TPD52L1: variants seen among roughly 807,000 people sequenced by gnomAD.
TPD52L1 encodes tumor protein D53.
A neutral mutation model predicts 28.7 loss-of-function variants in TPD52L1; 18 were observed. The ratio of observed to expected loss-of-function variants is 0.63; its 90% CI spans 0.43 to 0.93. The LOEUF (loss-of-function observed/expected upper bound fraction) is 0.93, where lower values mean the gene tolerates loss of function less well. Among genes scored for constraint, TPD52L1 ranks in the 40% least tolerant of loss-of-function variants. TPD52L1 has a pLI of 0.00. For synonymous variants in TPD52L1, 75 were observed against 88.8 expected, an observed-to-expected ratio of 0.84 and a Z score of 0.88; for missense variants, 203 against 254.8, an observed-to-expected ratio of 0.80 and a Z score of 1.39.
intron 3 of TPD52L1, among the ~76,000 whole-genome samples, chr6:125,239,893 CTT>C (rs1384135443): frequency 3.3e-5 from 5 of 152,098 alleles, no homozygotes; most frequent in African/African-American, 1.2e-4. Flanking sequence ...GTCATGAACT[CTT>C]TGCCTAAGCC....
chr6:125,251,970 C>G, intron 4 of TPD52L1: 3 of 1,533,850 alleles, frequency 2.0e-6, no homozygotes, highest in African/African-American at 2.7e-5. Context: ...TTCTCTGCCT[C>G]CTGTTTGCTA....
chr6:125,200,845 T>C (rs1793759042), intron 1 of TPD52L1, among the ~76,000 whole-genome samples: 1 of 152,010 alleles, frequency 6.6e-6, no homozygotes, highest in African/African-American at 2.4e-5. Context: ...TAAGGAGAGG[T>C]TATTTAAGTG....
At chr6:125,199,022 A>G (rs932616244) in intron 1 of TPD52L1, among the ~76,000 whole-genome samples, 2 of 152,254 alleles carry the variant, frequency 1.3e-5, no homozygotes, top group African/African-American at 4.8e-5. Flanking sequence ...AGAACATGTT[A>G]ACATATTAAC....
chr6:125,203,077 T>G (rs1481462069), intron 1 of TPD52L1, among the ~76,000 whole-genome samples: 2 of 152,126 alleles, frequency 1.3e-5, no homozygotes, highest in African/African-American at 2.4e-5. Context: ...TTCCATGAAA[T>G]GTGAATTTGA....
intron 3 of TPD52L1, among the ~76,000 whole-genome samples, chr6:125,230,847 T>A (rs773617650): frequency 1.3e-4 from 20 of 152,174 alleles, no homozygotes; most frequent in Non-Finnish European, 2.4e-4. Flanking sequence ...AGGGAGCTTG[T>A]CAGTTTATCT....
chr6:125,194,341 C>G (rs907991923), intron 1 of TPD52L1, among the ~76,000 whole-genome samples: 2 of 152,076 alleles, frequency 1.3e-5, no homozygotes, highest in African/African-American at 4.8e-5. Context: ...ACTCAACAAC[C>G]CCTCAGGTCA....
intron 3 of TPD52L1, among the ~76,000 whole-genome samples, chr6:125,246,139 T>C (rs981870667): frequency 1.3e-5 from 2 of 152,344 alleles, no homozygotes; most frequent in Admixed American, 1.3e-4. Context: ...CCATTGCTGC[T>C]ACTATTGTAT....
intron 1 of TPD52L1, among the ~76,000 whole-genome samples, chr6:125,204,489 A>AT (rs1204480581): frequency 1.3e-5 from 2 of 150,068 alleles, no homozygotes; most frequent in African/African-American, 2.5e-5. Flanking sequence ...TTTTATTTTT[A>AT]TTTTTTTTTC....
chr6:125,206,899 G>A (rs1346157983), intron 1 of TPD52L1, among the ~76,000 whole-genome samples: 4 of 152,124 alleles, frequency 2.6e-5, no homozygotes, highest in African/African-American at 4.8e-5. Context: ...GTCATATAGC[G>A]ATGAAAATTA....
intron 1 of TPD52L1, among the ~76,000 whole-genome samples, chr6:125,156,114 T>C (rs775935330): frequency 1.3e-5 from 2 of 151,902 alleles, no homozygotes; most frequent in Admixed American, 1.3e-4. Context: ...AAACTTTAGG[T>C]GTAAAGAGGA....
Position 125,154,201 on chromosome 6 carries a change from C to G in TPD52L1, c.19+231C>G, listed in dbSNP as rs138325843. 6.4e-5 allele frequency: 87 copies of G among 1,351,552 alleles called. No homozygotes were observed. The African/African-American group carries it at 1.1e-3, about 18-fold the overall frequency. The allele number at this position is 1,351,552 out of a possible 1,614,324, so 83.7% of individuals were successfully genotyped here. On this transcript the variant is annotated intron_variant, in intron 1 of 6. Transcript: ENST00000534000. ...GGGATCCGTAAGTGGAGAGGCCCCT[C>G]CTCAGGAAATGCGCCCGTGGAATGC... is the stretch of plus-strand genomic sequence containing the variant.
At chr6:125,253,915 C>G in intron 5 of TPD52L1, 160 bp downstream of exon 5, 1 of 811,902 alleles carries the variant, frequency 1.2e-6, no homozygotes, top group Non-Finnish European at 2.2e-6. Flanking sequence ...AATTGCGTAG[C>G]TTGGGCTTTT....
chr6:125,215,542 T>C (rs1280644417), intron 1 of TPD52L1, among the ~76,000 whole-genome samples: 1 of 152,202 alleles, frequency 6.6e-6, no homozygotes, highest in Non-Finnish European at 1.5e-5. Flanking sequence ...ACTAGCAACC[T>C]GGTCTCTGGG....
intron 1 of TPD52L1, among the ~76,000 whole-genome samples, chr6:125,208,182 G>T (rs937415569): frequency 1.4e-4 from 21 of 152,170 alleles, no homozygotes; most frequent in Non-Finnish European, 2.8e-4. Flanking sequence ...TATACTGCTT[G>T]GTTGCAATTG....
At chr6:125,180,648 T>G (rs1423061008) in intron 1 of TPD52L1, among the ~76,000 whole-genome samples, 1 of 151,852 alleles carries the variant, frequency 6.6e-6, no homozygotes, top group Non-Finnish European at 1.5e-5. Context: ...ATAGAGGACG[T>G]AAAGGAGAGT....
Position 125,172,727 on chromosome 6 carries a change from A to G in TPD52L1, c.19+18757A>G, listed in dbSNP as rs1208320633. On this transcript the variant is annotated intron_variant, in intron 1 of 6. Transcript: ENST00000534000. Reference sequence around the variant, plus strand: ...TTCTAAATGTAAGTTCTACAGGCCCAAGATATTTTGCTGTTGGTCACTGCT... The same window carrying G: ...TTCTAAATGTAAGTTCTACAGGCCCGAGATATTTTGCTGTTGGTCACTGCT... Among the ~76,000 whole-genome samples, 3 of 149,022 alleles carry G rather than the reference A, an allele frequency of 2.0e-5. No individual in the cohort carries two copies. In the Admixed American group the frequency reaches 2.0e-4, roughly 10 times the overall value.
chr6:125,176,221 C>A (rs1791814144), intron 1 of TPD52L1, among the ~76,000 whole-genome samples: 1 of 152,140 alleles, frequency 6.6e-6, no homozygotes, highest in African/African-American at 2.4e-5. Context: ...GCACATGTGG[C>A]CTGCTCTACT....
In TPD52L1 at chr6:125,172,070, TTCTTTCTTTC is replaced by T. The variant is rs1197975408; in HGVS notation, c.19+18112_19+18121del. ...CTCCCACCTTCTTTCTCTTCTTTCT[TTCTTTCTTTC>T]TCTTTCTTTCTTTCTTTCCCTTTCT... On this transcript the variant is annotated intron_variant, in intron 1 of 6. Coordinates refer to ENST00000534000, the MANE Select transcript of TPD52L1 (RefSeq NM_003287.4). Among the ~76,000 whole-genome samples, 930 of 139,054 alleles carry T rather than the reference TTCTTTCTTTC, an allele frequency of 6.7e-3. 13 individuals are homozygous for T. The highest frequency in any genetic ancestry group is 0.027 in the African/African-American group (849 of 31,848). 91.2% of individuals were successfully genotyped at this position (139,054 alleles called of 152,430 possible).
chr6:125,257,405 A>ACT (rs1797672112), intron 6 of TPD52L1, among the ~76,000 whole-genome samples: 1 of 152,254 alleles, frequency 6.6e-6, no homozygotes, highest in Non-Finnish European at 1.5e-5. Context: ...TGCGTTTACC[A>ACT]CTTAATCTCT....
Sources: gnomAD v4.1 joint callset for allele counts (sites outside exome capture counted in the v4.1 genomes callset) on GRCh38, gnomAD v4.1.1 for gene constraint, MANE v1.5 for transcripts, NCBI Gene and HGNC (gene_info 2026-07-23, HGNC 2026-07-21) for gene names.